PSD2: variants seen among roughly 807,000 people sequenced by gnomAD.
PSD2 encodes PH and SEC7 domain-containing protein 2.
In PSD2, 38 loss-of-function variants were observed where a neutral mutation model predicts 69.8. The ratio of observed to expected loss-of-function variants is 0.54; its 90% CI spans 0.42 to 0.71. The LOEUF (loss-of-function observed/expected upper bound fraction) is 0.71, where lower values mean the gene tolerates loss of function less well. Among genes scored for constraint, PSD2 ranks in the 30% least tolerant of loss-of-function variants. The probability of loss-of-function intolerance (pLI) is 0.00; values close to 1 mark genes in which losing one functional copy is unlikely to be tolerated. For synonymous variants in PSD2, 412 were observed against 423.0 expected (o/e 0.97, Z 0.32); for missense variants, 943 against 1,014.5 (o/e 0.93, Z 0.96).
At chr5:139,836,612 G>C (rs960939065) in intron 9 of PSD2, among the ~76,000 whole-genome samples, 199 bp from the exon 10 acceptor site, 5 of 152,228 alleles carry the variant, frequency 3.3e-5, no homozygotes, top group Admixed American at 2.6e-4. Flanking sequence ...TCAGAGGTCA[G>C]AGGTCAGAAG....
chr5:139,771,792 G>A, the PSD2 span, among the ~76,000 whole-genome samples: 19 of 152,298 alleles, frequency 1.2e-4, no homozygotes, highest in Admixed American at 2.6e-4. Flanking sequence ...GCAGTGTAGC[G>A]CATATGGGGA....
chr5:139,799,043 T>C (rs1759600922), intron 1 of PSD2, among the ~76,000 whole-genome samples: 1 of 152,180 alleles, frequency 6.6e-6, no homozygotes, highest in Non-Finnish European at 1.5e-5. Flanking sequence ...TCTTCTTGCT[T>C]GCTTGTGATT....
intron 1 of PSD2, among the ~76,000 whole-genome samples, chr5:139,805,446 A>G (rs1218657935): frequency 1.3e-5 from 2 of 152,248 alleles, no homozygotes; most frequent in African/African-American, 2.4e-5. Context: ...CTGTGTGCCA[A>G]GCATTGCACT....
chr5:139,815,428 CAA>C (rs1430135462), intron 4 of PSD2, among the ~76,000 whole-genome samples: 1 of 152,148 alleles, frequency 6.6e-6, no homozygotes, highest in African/African-American at 2.4e-5. Context: ...ATCTGAAAAA[CAA>C]AAAGTGTTTC....
chr5:139,826,841 A>G (rs544381211), intron 7 of PSD2, among the ~76,000 whole-genome samples: 81 of 152,258 alleles, frequency 5.3e-4, no homozygotes, highest in African/African-American at 1.9e-3. Context: ...CTTCCCCTAC[A>G]TGGGCCCGAT....
chr5:139,778,800 G>A, the PSD2 span, among the ~76,000 whole-genome samples: 2 of 151,858 alleles, frequency 1.3e-5, no homozygotes, highest in Non-Finnish European at 2.9e-5. Context: ...GTGGTGGCAC[G>A]TGCCTATAGT....
chr5:139,754,539 C>CA, the PSD2 span, among the ~76,000 whole-genome samples: 3 of 151,654 alleles, frequency 2.0e-5, no homozygotes, highest in East Asian at 1.9e-4. Flanking sequence ...ACTAAAAATA[C>CA]AAAAAAAATA....
rs370966922 is a variant in PSD2, at chr5:139,837,653, C to T, written c.1694C>T (p.Ser565Leu). Residue 565 changes from serine (S) to leucine (L), a missense_variant, in exon 12 of 15, where the codon TCG becomes TTG. Ser to Leu is a moderately radical substitution (Grantham distance 145). This residue lies in a region of PSD2 where 312 missense variants were observed against 400.7 expected (regional missense o/e 0.78). Transcript: ENST00000274710. The surrounding 1 kb of genome is among the most constrained non-coding windows in gnomAD (Gnocchi z 5.0). ...KDEYRPDKAL[S>L]EGDLKNAIRV... is the part of the protein sequence containing the mutation. ...GAGTACAGGCCTGACAAAGCTCTATCGGAGGGTGACCTGAAGAACGCCATT... is the reference window on the plus strand; with the variant it reads ...GAGTACAGGCCTGACAAAGCTCTATTGGAGGGTGACCTGAAGAACGCCATT... 47 of 1,613,286 alleles carry T rather than the reference C, an allele frequency of 2.9e-5. No individual in the cohort carries two copies. The highest frequency in any genetic ancestry group is 5.0e-5 in the Admixed American group (3 of 59,964).
the PSD2 span, among the ~76,000 whole-genome samples, chr5:139,775,796 G>C: frequency 6.6e-6 from 1 of 152,234 alleles, no homozygotes; most frequent in Non-Finnish European, 1.5e-5. Context: ...AGCCTCCCAA[G>C]TCGCTGGAAT....
chr5:139,842,503 G>A lies in PSD2; in HGVS notation c.*29G>A. On this transcript the variant is annotated 3_prime_UTR_variant, in exon 15 of 15. Coordinates refer to ENST00000274710, the MANE Select transcript of PSD2 (RefSeq NM_032289.4). ...ACATGGATTTGCAGACCCCAGGGTG[G>A]GCAGATGTCTCCAGTGGGGTCAGTG... 6.3e-7 allele frequency: 1 copy of A among 1,599,412 alleles called. No homozygotes were observed. The highest frequency in any genetic ancestry group is 8.6e-7 in the Non-Finnish European group (1 of 1,168,832).
the PSD2 span, among the ~76,000 whole-genome samples, chr5:139,757,015 CAG>C: frequency 3.4e-4 from 51 of 152,188 alleles, no homozygotes; most frequent in African/African-American, 1.2e-3. Context: ...GATGAGGAAA[CAG>C]AGGCACAGAG....
intron 1 of PSD2, among the ~76,000 whole-genome samples, chr5:139,796,951 G>A (rs948899285): frequency 1.3e-5 from 2 of 152,182 alleles, no homozygotes; most frequent in African/African-American, 2.4e-5. Flanking sequence ...TGGGCAGCCT[G>A]GGTTTGGACT....
the PSD2 span, among the ~76,000 whole-genome samples, chr5:139,751,236 C>T: frequency 1.3e-5 from 2 of 152,198 alleles, no homozygotes; most frequent in Admixed American, 6.5e-5. Flanking sequence ...CTCAAGACAG[C>T]ACCTCCTGCC....
At chr5:139,795,537 T>C (rs1759496371), upstream of PSD2, among the ~76,000 whole-genome samples, 1 of 151,980 alleles carries the variant, frequency 6.6e-6, no homozygotes, top group Non-Finnish European at 1.5e-5. This position sits in a 1 kb window ranked among gnomAD's most constrained non-coding sequence, Gnocchi z 4.5. Flanking sequence ...CCAGCGTGGC[T>C]AGGAGGGGGC....
Position 139,836,846 on chromosome 5 carries a change from T to C in PSD2, c.1439T>C (p.Leu480Pro). ...GAGCTGAGGAAATCCCTGTCTGAGC[T>C]GGTGGATGACAAGTTCGGGACAGGC... Reference protein sequence around the residue: ...EDELRKSLSELVDDKFGTGTK... With the variant: ...EDELRKSLSEPVDDKFGTGTK... Residue 480 changes from leucine to proline, a missense_variant, in exon 10 of 15, where the codon CTG becomes CCG. By Grantham distance (98) the Leu-to-Pro change is moderately conservative. Coordinates refer to ENST00000274710, the MANE Select transcript of PSD2 (RefSeq NM_032289.4). The C allele has an allele frequency of 6.2e-7, 1 of 1,614,186 alleles. No homozygotes were observed. Among genetic ancestry groups the C allele is most frequent in the Non-Finnish European group, 8.5e-7 (1 of 1,180,016 alleles).
the PSD2 span, among the ~76,000 whole-genome samples, chr5:139,757,102 T>G: frequency 2.6e-5 from 4 of 152,342 alleles, no homozygotes; most frequent in South Asian, 6.2e-4. Flanking sequence ...ATAGATTGCA[T>G]GAAGCGGATT....
At chr5:139,820,708 C>A (rs1183461551) in intron 5 of PSD2, among the ~76,000 whole-genome samples, 2 of 152,210 alleles carry the variant, frequency 1.3e-5, no homozygotes, top group African/African-American at 4.8e-5. Context: ...AGGGAATGAC[C>A]TTTATATTGG....
rs1340604386 is a variant in PSD2, at chr5:139,838,670, G to A, written c.1866G>A (p.Leu622=). The change falls in exon 13 of 15, where the codon CTG becomes CTA. Residue 622 remains leucine, a synonymous_variant. Coordinates refer to ENST00000274710, the MANE Select transcript of PSD2 (RefSeq NM_032289.4). Reference sequence around the variant, plus strand: ...TGTCCTGGATCCTCAGGATCAACCTGGTGGCAGCCATCTTCTCTGCCCCGG... The same window carrying A: ...TGTCCTGGATCCTCAGGATCAACCTAGTGGCAGCCATCTTCTCTGCCCCGG... ...EMLSWILRIN[L]VAAIFSAPAF... is the part of the protein sequence containing the mutation. 1 of 1,613,860 alleles carries A rather than the reference G, an allele frequency of 6.2e-7. No individual in the cohort carries two copies. The highest frequency in any genetic ancestry group is 1.3e-5 in the African/African-American group (1 of 74,894).
chr5:139,780,424 A>G, the PSD2 span, among the ~76,000 whole-genome samples: 4 of 152,168 alleles, frequency 2.6e-5, no homozygotes, highest in East Asian at 7.7e-4. Context: ...ATTTGTCCTC[A>G]TTAAATTTCT....
Sources: allele counts gnomAD v4.1 joint callset (sites outside exome capture counted in the v4.1 genomes callset), GRCh38; gene constraint gnomAD v4.1.1; regional missense constraint gnomAD v4.1.1; non-coding constraint Gnocchi (gnomAD v3.1); transcripts MANE v1.5; gene names NCBI Gene and HGNC (gene_info 2026-07-23, HGNC 2026-07-21).